The following NAALADL2 variants were observed in gnomAD, a reference collection of about 807,000 sequenced individuals.
The protein encoded by NAALADL2 is N-acetylated alpha-linked acidic dipeptidase like 2.
Under a neutral mutation model 87.2 loss-of-function variants are expected in NAALADL2, and 76 were observed. The ratio of observed to expected loss-of-function variants is 0.87; its 90% confidence interval spans 0.72 to 1.05. The LOEUF (loss-of-function observed/expected upper bound fraction) is 1.05, where lower values mean the gene tolerates loss of function less well. Among genes scored for constraint, NAALADL2 ranks in the 50% least tolerant of loss-of-function variants. NAALADL2 has a pLI of 0.00. For synonymous variants in NAALADL2, 354 were observed against 331.0 expected (o/e 1.07, Z -0.75); for missense variants, 1,089 against 945.8 (o/e 1.15, Z -1.99).
At chr3:175,672,576 C>T (rs1734148050) in intron 11 of NAALADL2, among the ~76,000 whole-genome samples, 1 of 152,048 alleles carries the variant, frequency 6.6e-6, no homozygotes, top group Non-Finnish European at 1.5e-5. Flanking sequence ...AAAATCTAAA[C>T]TTCAAAAAAC....
chr3:175,222,558 C>T (rs1295395924), intron 2 of NAALADL2, among the ~76,000 whole-genome samples: 2 of 152,242 alleles, frequency 1.3e-5, no homozygotes, highest in Middle Eastern at 3.4e-3. Context: ...AACAGGAAAA[C>T]GTGTGTCATT....
chr3:175,746,315 G>GTTT (rs397765614), intron 12 of NAALADL2, among the ~76,000 whole-genome samples: 2 of 123,438 alleles, frequency 1.6e-5, no homozygotes, highest in African/African-American at 2.8e-5. Context: ...CACTTGGTTT[G>GTTT]TTTTTTTTTT....
At chr3:174,549,164 T>C (rs890814882) in intron 1 of NAALADL2, among the ~76,000 whole-genome samples, 2 of 152,344 alleles carry the variant, frequency 1.3e-5, no homozygotes, top group East Asian at 1.9e-4. Flanking sequence ...TTTAAACTTA[T>C]GTATTTTTAT....
In NAALADL2 at chr3:175,143,377, C is replaced by G. The variant is rs546265201; in HGVS notation, c.545+46086C>G. Among the ~76,000 whole-genome samples, 31 of 151,936 alleles carry G rather than the reference C, an allele frequency of 2.0e-4. 3 individuals carry two copies. The South Asian group carries it at 6.0e-3, about 29-fold the overall frequency. The stretch of plus-strand genomic sequence containing the variant: ...TGATTCTGAAAACCAATTCTGTCCT[C>G]TGAAAAATTTTAAATTGAGATGCTT... On this transcript the variant is annotated intron_variant, in intron 2 of 13. Coordinates refer to ENST00000454872, the MANE Select transcript of NAALADL2 (RefSeq NM_207015.3).
intron 1 of NAALADL2, among the ~76,000 whole-genome samples, chr3:175,077,029 G>A (rs767439993): frequency 2.6e-5 from 4 of 152,052 alleles, no homozygotes; most frequent in Non-Finnish European, 4.4e-5. Context: ...GACCCTCAGT[G>A]GATACTGAAT....
Position 174,717,008 on chromosome 3 carries a change from C to G in NAALADL2, c.-114-20633C>G, listed in dbSNP as rs150492243. Among the ~76,000 whole-genome samples, 444 of 151,998 alleles carry G rather than the reference C, an allele frequency of 2.9e-3. 2 individuals carry two copies. The highest frequency in any genetic ancestry group is 0.01 in the African/African-American group (425 of 41,472). ...TTTAGAATTGTTTTTTTTCCAAAGA[C>G]CTTGTTTTGTATAGAAACAGAGAAA... On this transcript the variant is annotated intron_variant, in intron 2 of 3. Coordinates refer to the NAALADL2 transcript ENST00000434257.
chr3:174,832,057 C>A (rs1308271503), intron 3 of NAALADL2, among the ~76,000 whole-genome samples: 1 of 152,034 alleles, frequency 6.6e-6, no homozygotes, highest in Non-Finnish European at 1.5e-5. Flanking sequence ...TTCAAAAAAC[C>A]AGCTCCTGGG....
chr3:174,653,671 T>C (rs183359424), intron 2 of NAALADL2, among the ~76,000 whole-genome samples: 1 of 152,220 alleles, frequency 6.6e-6, no homozygotes, highest in Admixed American at 6.5e-5. Flanking sequence ...AGGATTCATA[T>C]ATATGGACAA....
At chr3:174,930,575 A>AAAATAACAATT (rs1435728696) in intron 1 of NAALADL2, among the ~76,000 whole-genome samples, 1 of 150,062 alleles carries the variant, frequency 6.7e-6, no homozygotes, top group Non-Finnish European at 1.5e-5. Context: ...ATTATATACC[A>AAAATAACAATT]AAATAACAAT....
chr3:175,444,781 C>G (rs1430048374), intron 5 of NAALADL2, among the ~76,000 whole-genome samples: 1 of 152,134 alleles, frequency 6.6e-6, no homozygotes. Flanking sequence ...TATAAGGGAG[C>G]AATGAAATTA....
intron 9 of NAALADL2, among the ~76,000 whole-genome samples, chr3:175,525,405 A>T (rs942648230): frequency 6.6e-6 from 1 of 152,108 alleles, no homozygotes; most frequent in African/African-American, 2.4e-5. Flanking sequence ...TTACTTATCC[A>T]TTCTCTGAGT....
At chr3:175,191,079 T>C (rs1738121685) in intron 2 of NAALADL2, among the ~76,000 whole-genome samples, 1 of 152,110 alleles carries the variant, frequency 6.6e-6, no homozygotes, top group African/African-American at 2.4e-5. Flanking sequence ...TTAATAACAT[T>C]GTACTGTATT....
chr3:174,867,107 AT>A (rs1341083972), intron 1 of NAALADL2, among the ~76,000 whole-genome samples: 2 of 151,872 alleles, frequency 1.3e-5, no homozygotes, highest in East Asian at 3.9e-4. Flanking sequence ...TATGTAAAAT[AT>A]TTAACTAAAT....
At chr3:175,642,886 A>G (rs1455378525) in intron 11 of NAALADL2, among the ~76,000 whole-genome samples, 1 of 152,158 alleles carries the variant, frequency 6.6e-6, no homozygotes, top group Admixed American at 6.6e-5. Flanking sequence ...CCTCTAGTCT[A>G]TATTTGAAAA....
chr3:175,068,715 G>A (rs148355919), intron 1 of NAALADL2, among the ~76,000 whole-genome samples: 124 of 152,186 alleles, frequency 8.1e-4, no homozygotes, highest in African/African-American at 2.8e-3. Context: ...GAAGAAAATA[G>A]TCCTGGAGAT....
chr3:175,130,818 A>G lies in NAALADL2; in HGVS notation c.545+33527A>G, dbSNP rs139882554. On this transcript the variant is annotated intron_variant, in intron 2 of 13. Coordinates refer to ENST00000454872, the MANE Select transcript of NAALADL2 (RefSeq NM_207015.3). ...ATTTTGATTACTGTAGCTTTGTAATATAGTTTGAAATCAGGACATGTAAAA... is the reference window on the plus strand; with the variant it reads ...ATTTTGATTACTGTAGCTTTGTAATGTAGTTTGAAATCAGGACATGTAAAA... Among the ~76,000 whole-genome samples the G allele has an allele frequency of 5.9e-5, 9 of 152,308 alleles. No homozygotes were observed. In the East Asian group the frequency reaches 1.4e-3, roughly 23 times the overall value.
chr3:174,744,310 A>G (rs1382442169), intron 3 of NAALADL2, among the ~76,000 whole-genome samples: 1 of 151,940 alleles, frequency 6.6e-6, no homozygotes, highest in Non-Finnish European at 1.5e-5. Context: ...GTGATGTATG[A>G]GACTCAAGCA....
At chr3:175,416,854 A>G (rs999279307) in intron 5 of NAALADL2, among the ~76,000 whole-genome samples, 1 of 152,040 alleles carries the variant, frequency 6.6e-6, no homozygotes, top group African/African-American at 2.4e-5. Context: ...ACGTGAATGT[A>G]TGTGGATGAT....
intron 11 of NAALADL2, among the ~76,000 whole-genome samples, chr3:175,655,201 CTTCTTA>C (rs1013346851): frequency 2.0e-5 from 3 of 152,030 alleles, no homozygotes; most frequent in African/African-American, 7.2e-5. Context: ...TAAAATTTTA[CTTCTTA>C]TTCTTATAAA....
Sources: allele counts gnomAD v4.1 joint callset (sites outside exome capture counted in the v4.1 genomes callset), GRCh38; gene constraint gnomAD v4.1.1; transcripts MANE v1.5; gene names NCBI Gene and HGNC (gene_info 2026-07-23, HGNC 2026-07-21).